PCDHB5: variants seen among roughly 807,000 people sequenced by gnomAD.
PCDHB5 encodes protocadherin beta-5.
For synonymous variants in PCDHB5, 569 were observed against 462.2 expected, an observed-to-expected ratio of 1.23 and a Z score of -2.96; for missense variants, 1,125 against 1,029.4, an observed-to-expected ratio of 1.09 and a Z score of -1.27.
Position 141,137,565 on chromosome 5 carries a change from C to A in PCDHB5, c.2131C>A (p.Arg711=), listed in dbSNP as rs377758463. The A allele has an allele frequency of 9.3e-6, 15 of 1,612,474 alleles. No homozygotes were observed. Among genetic ancestry groups the A allele is most frequent in the South Asian group, 2.2e-5 (2 of 91,022 alleles). The change falls in exon 1 of 1, where the codon CGG becomes AGG. Residue 711 remains arginine (R), a synonymous_variant. Coordinates refer to ENST00000231134, the MANE Select transcript of PCDHB5 (RefSeq NM_015669.5). Reference sequence around the variant, plus strand: ...TTCGGTGCTCCTGTTCGTGGCAGTGCGGCTGTGCAGGAGGAGCAGGGCGGC... The same window carrying A: ...TTCGGTGCTCCTGTTCGTGGCAGTGAGGCTGTGCAGGAGGAGCAGGGCGGC... ...LFSVLLFVAV[R]LCRRSRAAPV...
rs782464724 is a variant in PCDHB5, at chr5:141,136,745, G to A, written c.1311G>A (p.Thr437=). The change falls in exon 1 of 1, where the codon ACG becomes ACA. Residue 437 remains threonine (T), a synonymous_variant. Coordinates refer to ENST00000231134, the MANE Select transcript of PCDHB5 (RefSeq NM_015669.5). ...TPRLKTEHNI[T]VLVSDVNDNA... is the part of the protein sequence containing the mutation. ...GGCTGAAAACCGAGCACAACATAAC[G>A]GTCCTGGTCTCCGACGTCAATGACA... 3.7e-6 allele frequency: 6 copies of A among 1,613,862 alleles called. No homozygotes were observed. Among genetic ancestry groups the A allele is most frequent in the Middle Eastern group, 1.6e-4 (1 of 6,078 alleles).
Position 141,137,290 on chromosome 5 carries a change from A to G in PCDHB5, c.1856A>G (p.His619Arg), listed in dbSNP as rs1554276164. ...CCCGGGCTGTTCAGCATGTGGGCGCACAATGGCGAGGTGCGCACCGCCAGG... is the reference window on the plus strand; with the variant it reads ...CCCGGGCTGTTCAGCATGTGGGCGCGCAATGGCGAGGTGCGCACCGCCAGG... Reference protein sequence around the residue: ...TEPGLFSMWAHNGEVRTARLL... With the variant: ...TEPGLFSMWARNGEVRTARLL... Residue 619 changes from histidine to arginine, a missense_variant, in exon 1 of 1, where the codon CAC becomes CGC. Coordinates refer to ENST00000231134, the MANE Select transcript of PCDHB5 (RefSeq NM_015669.5). The G allele has an allele frequency of 6.2e-7, 1 of 1,610,584 alleles. No individual in the cohort carries two copies. The highest frequency in any genetic ancestry group is 8.5e-7 in the Non-Finnish European group (1 of 1,179,672).
In PCDHB5 at chr5:141,137,963, A is replaced by G; in HGVS notation, c.*141A>G. ...TTAATGGATTTGTCTGTTGAACTTCATGCTGTCCAAGTGTTGAAAAGTCAA... is the reference window on the plus strand; with the variant it reads ...TTAATGGATTTGTCTGTTGAACTTCGTGCTGTCCAAGTGTTGAAAAGTCAA... On this transcript the variant is annotated 3_prime_UTR_variant, in exon 1 of 1. Coordinates refer to ENST00000231134, the MANE Select transcript of PCDHB5 (RefSeq NM_015669.5). 1 of 786,972 alleles carries G rather than the reference A, an allele frequency of 1.3e-6. No individual in the cohort carries two copies. Among genetic ancestry groups the G allele is most frequent in the South Asian group, 1.9e-5 (1 of 51,882 alleles). 48.7% of individuals were successfully genotyped at this position (786,972 alleles called of 1,614,324 possible). A position where few individuals can be genotyped will look rare whatever the true frequency, so the allele number is the denominator to read the frequency against.
At position 141,137,060 on chromosome 5, in the gene PCDHB5, C is replaced by T. The variant is rs1554276092; in HGVS notation, c.1626C>T (p.Ser542=). 2 of 1,611,730 alleles carry T rather than the reference C, an allele frequency of 1.2e-6. No homozygotes were observed. The highest frequency in any genetic ancestry group is 1.7e-6 in the Non-Finnish European group (2 of 1,179,686). ...ATDRGSPALS[S]EALVRVLVLD... Reference sequence around the variant, plus strand: ...ACCGCGGCTCCCCGGCGCTGAGCAGCGAGGCGCTGGTGCGCGTGCTGGTGC... The same window carrying T: ...ACCGCGGCTCCCCGGCGCTGAGCAGTGAGGCGCTGGTGCGCGTGCTGGTGC... The change falls in exon 1 of 1, where the codon AGC becomes AGT. Residue 542 remains serine (S), a synonymous_variant. Transcript: ENST00000231134.
chr5:141,135,637 A>G lies in PCDHB5; in HGVS notation c.203A>G (p.Tyr68Cys), dbSNP rs1752551204. Reference protein sequence around the residue: ...ELATRGARMHYKGNKELLQLD... With the variant: ...ELATRGARMHCKGNKELLQLD... Reference sequence around the variant, plus strand: ...GCCACTCGGGGCGCGCGAATGCATTACAAAGGAAACAAAGAGCTCTTGCAG... The same window carrying G: ...GCCACTCGGGGCGCGCGAATGCATTGCAAAGGAAACAAAGAGCTCTTGCAG... Residue 68 changes from tyrosine to cysteine, a missense_variant, in exon 1 of 1, where the codon TAC (tyrosine) becomes TGC (cysteine). Transcript: ENST00000231134. 1 of 1,614,146 alleles carries G rather than the reference A, an allele frequency of 6.2e-7. No homozygotes were observed.
At position 141,135,862 on chromosome 5, in the gene PCDHB5, C is replaced by T. The variant is rs371263545; in HGVS notation, c.428C>T (p.Pro143Leu). 4.6e-5 allele frequency: 74 copies of T among 1,614,038 alleles called. 1 individual carries two copies. Among genetic ancestry groups the T allele is most frequent in the South Asian group, 1.9e-4 (17 of 91,072 alleles). ...FPEKEMLLKI[P>L]ESTQPGTVFP... ...GAGAAGGAAATGCTCCTAAAAATCC[C>T]AGAGAGCACCCAGCCAGGGACTGTG... Residue 143 changes from proline (P) to leucine (L), a missense_variant, in exon 1 of 1, where the codon CCA becomes CTA. By Grantham distance (98) the Pro-to-Leu change is moderately conservative (BLOSUM62 -3). Transcript: ENST00000231134.
At position 141,136,527 on chromosome 5, in the gene PCDHB5, GC is replaced by G; in HGVS notation, c.1095del (p.Val366PhefsTer15). Reference sequence around the variant, plus strand: ...AGAAAATGCCCCGGAAACTGTAGTTGCCGTTTTCAGTGTTTCTGATCCAGAC... The same window carrying G: ...AGAAAATGCCCCGGAAACTGTAGTTGCGTTTTCAGTGTTTCTGATCCAGAC... The part of the protein sequence containing the change: ...TPENAPETVV[A>X]VFSVSDPDSG... On this transcript the variant is annotated frameshift_variant, in exon 1 of 1. Coordinates refer to ENST00000231134, the MANE Select transcript of PCDHB5 (RefSeq NM_015669.5). LOFTEE classifies it low-confidence loss of function (END_TRUNC). 1 of 1,614,046 alleles carries G rather than the reference GC, an allele frequency of 6.2e-7. No homozygotes were observed. Among genetic ancestry groups the G allele is most frequent in the Admixed American group, 1.7e-5 (1 of 60,014 alleles).
Position 141,135,269 on chromosome 5 carries a change from T to C in PCDHB5, c.-166T>C, listed in dbSNP as rs1752541077. ...CCATTAAGCTGGGGAATCCAAACTCTAAAAGAAGGACGCATTTTAGGTAAG... is the reference window on the plus strand; with the variant it reads ...CCATTAAGCTGGGGAATCCAAACTCCAAAAGAAGGACGCATTTTAGGTAAG... On this transcript the variant is annotated 5_prime_UTR_variant, in exon 1 of 1. Transcript: ENST00000231134. 7 of 581,922 alleles carry C rather than the reference T, an allele frequency of 1.2e-5. No individual in the cohort carries two copies. The highest frequency in any genetic ancestry group is 6.7e-5 in the Admixed American group (2 of 29,694). The allele number at this position is 581,922 out of a possible 1,614,324, so 36.0% of individuals were successfully genotyped here. A position where few individuals can be genotyped will look rare whatever the true frequency, so the allele number is the denominator to read the frequency against.
rs1752584748 is a variant in PCDHB5, at chr5:141,136,661, CAG to C, written c.1234_1235del (p.Ser412ProfsTer33). Reference sequence around the variant, plus strand: ...CCCTAGTGACACAGAGAACACTGGACAGAGAGAGCCAAGCCGAGTACAACATC... The same window carrying C: ...CCCTAGTGACACAGAGAACACTGGACAGAGAGCCAAGCCGAGTACAACATC... Reference protein sequence around the residue: ...YTLVTQRTLDRESQAEYNITI... With the variant: ...YTLVTQRTLDXESQAEYNITI... On this transcript the variant is annotated frameshift_variant, in exon 1 of 1. Coordinates refer to ENST00000231134, the MANE Select transcript of PCDHB5 (RefSeq NM_015669.5). LOFTEE classifies it low-confidence loss of function (END_TRUNC). 1.9e-6 allele frequency: 3 copies of C among 1,614,124 alleles called. No individual in the cohort carries two copies. Among genetic ancestry groups the C allele is most frequent in the Non-Finnish European group, 1.7e-6 (2 of 1,180,036 alleles).
In PCDHB5 at chr5:141,137,061, G is replaced by A; in HGVS notation, c.1627G>A (p.Glu543Lys). The A allele has an allele frequency of 6.2e-7, 1 of 1,611,722 alleles. No individual in the cohort carries two copies. Among genetic ancestry groups the A allele is most frequent in the Non-Finnish European group, 8.5e-7 (1 of 1,179,680 alleles). Residue 543 changes from glutamate to lysine, a missense_variant, in exon 1 of 1, where the codon GAG becomes AAG. Transcript: ENST00000231134. ...TDRGSPALSS[E>K]ALVRVLVLDA... ...CCGCGGCTCCCCGGCGCTGAGCAGC[G>A]AGGCGCTGGTGCGCGTGCTGGTGCT...
In PCDHB5 at chr5:141,136,549, C is replaced by T. The variant is rs782026542; in HGVS notation, c.1115C>T (p.Pro372Leu). 2.0e-5 allele frequency: 33 copies of T among 1,613,990 alleles called. No homozygotes were observed. The highest frequency in any genetic ancestry group is 2.3e-5 in the Non-Finnish European group (27 of 1,180,048). ...GTTGCCGTTTTCAGTGTTTCTGATC[C>T]AGACTCCGGGGACAACGGTAGGATG... ...TVVAVFSVSD[P>L]DSGDNGRMIC... Residue 372 changes from proline to leucine, a missense_variant, in exon 1 of 1, where the codon CCA becomes CTA. Transcript: ENST00000231134.
rs782047381 is a variant in PCDHB5 at position 141,136,514 on chromosome 5, G to A, written c.1080G>A (p.Pro360=). The A allele has an allele frequency of 6.2e-6, 10 of 1,613,980 alleles. No homozygotes were observed. The highest frequency in any genetic ancestry group is 8.5e-6 in the Non-Finnish European group (10 of 1,179,976). The change falls in exon 1 of 1, where the codon CCG becomes CCA. Residue 360 remains proline, a synonymous_variant. Transcript: ENST00000231134. Reference sequence around the variant, plus strand: ...CCAGCCCTACCCCAGAAAATGCCCCGGAAACTGTAGTTGCCGTTTTCAGTG... The same window carrying A: ...CCAGCCCTACCCCAGAAAATGCCCCAGAAACTGTAGTTGCCGTTTTCAGTG... The part of the protein sequence containing the change: ...TLSSPTPENA[P]ETVVAVFSVS...
In PCDHB5 at chr5:141,135,619, G is replaced by C. The variant is rs782023292; in HGVS notation, c.185G>C (p.Arg62Pro). The C allele has an allele frequency of 3.7e-6, 6 of 1,614,134 alleles. No homozygotes were observed. Among genetic ancestry groups the C allele is most frequent in the Admixed American group, 1.7e-5 (1 of 60,024 alleles). ...CTTGGGGTGGGGGAACTGGCCACTCGGGGCGCGCGAATGCATTACAAAGGA... is the reference window on the plus strand; with the variant it reads ...CTTGGGGTGGGGGAACTGGCCACTCCGGGCGCGCGAATGCATTACAAAGGA... Reference protein sequence around the residue: ...LGLGVGELATRGARMHYKGNK... With the variant: ...LGLGVGELATPGARMHYKGNK... The change falls in exon 1 of 1, where the codon CGG becomes CCG. Residue 62 changes from arginine to proline, a missense_variant. Transcript: ENST00000231134.
rs1221317259 is a variant in PCDHB5 at position 141,136,982 on chromosome 5, G to A, written c.1548G>A (p.Arg516=). The A allele has an allele frequency of 5.0e-6, 8 of 1,612,288 alleles. No homozygotes were observed. Among genetic ancestry groups the A allele is most frequent in the African/African-American group, 1.3e-5 (1 of 74,886 alleles). The change falls in exon 1 of 1, where the codon AGG becomes AGA. Residue 516 remains arginine, a synonymous_variant. Coordinates refer to ENST00000231134, the MANE Select transcript of PCDHB5 (RefSeq NM_015669.5). ...NADNGHLFAL[R]SLDYEALQAF... is the part of the protein sequence containing the mutation. ...ACAACGGCCACCTGTTTGCCCTCAG[G>A]TCGCTGGACTACGAGGCCCTGCAGG... is the stretch of plus-strand genomic sequence containing the variant.
Position 141,136,113 on chromosome 5 carries a change from A to G in PCDHB5, c.679A>G (p.Thr227Ala), listed in dbSNP as rs782642698. 1.2e-6 allele frequency: 2 copies of G among 1,614,178 alleles called. No individual in the cohort carries two copies. Among genetic ancestry groups the G allele is most frequent in the Non-Finnish European group, 1.7e-6 (2 of 1,179,988 alleles). The stretch of plus-strand genomic sequence containing the variant: ...GGCTCCGCCCAGGTCCGGGACCACC[A>G]CAATTCGCATTGTCGTCTTGGATAA... ...GGAPPRSGTT[T>A]IRIVVLDNND... is the part of the protein sequence containing the mutation. The change falls in exon 1 of 1, where the codon ACA becomes GCA. Residue 227 changes from threonine to alanine, a missense_variant. Coordinates refer to ENST00000231134, the MANE Select transcript of PCDHB5 (RefSeq NM_015669.5).
In PCDHB5 at chr5:141,135,904, C is replaced by A; in HGVS notation, c.470C>A (p.Ala157Asp). 6.2e-7 allele frequency: 1 copy of A among 1,614,080 alleles called. No individual in the cohort carries two copies. Among genetic ancestry groups the A allele is most frequent in the Non-Finnish European group, 8.5e-7 (1 of 1,179,930 alleles). The change falls in exon 1 of 1, where the codon GCC becomes GAC. Residue 157 changes from alanine (A) to aspartate (D), a missense_variant. Coordinates refer to ENST00000231134, the MANE Select transcript of PCDHB5 (RefSeq NM_015669.5). ...QPGTVFPLKIAQDFDIGSNTV... is the reference protein window; with the variant it reads ...QPGTVFPLKIDQDFDIGSNTV... ...GGGACTGTGTTTCCCTTAAAAATAG[C>A]CCAGGACTTTGACATAGGTAGCAAC...
rs781954896 is a variant in PCDHB5, at chr5:141,135,757, T to A, written c.323T>A (p.Leu108His). 6.2e-7 allele frequency: 1 copy of A among 1,614,062 alleles called. No homozygotes were observed. The highest frequency in any genetic ancestry group is 8.5e-7 in the Non-Finnish European group (1 of 1,179,980). The stretch of plus-strand genomic sequence containing the variant: ...GAACCCTGTATATTGCATTTCCAGC[T>A]CTTACTAGAAAATCCAGTGCAGTTT... ...ATEPCILHFQ[L>H]LLENPVQFFQ... The change falls in exon 1 of 1, where the codon CTC becomes CAC. Residue 108 changes from leucine to histidine, a missense_variant. Transcript: ENST00000231134.
At position 141,136,059 on chromosome 5, in the gene PCDHB5, A is replaced by G. The variant is rs1752563836; in HGVS notation, c.625A>G (p.Ser209Gly). Residue 209 changes from serine to glycine, a missense_variant, in exon 1 of 1, where the codon AGC (serine) becomes GGC (glycine). Physicochemically the swap from Ser to Gly is moderately conservative, Grantham distance 56. Coordinates refer to ENST00000231134, the MANE Select transcript of PCDHB5 (RefSeq NM_015669.5). ...ALDREERPEL[S>G]LTLTALDGGA... ...GGACCGGGAGGAGCGGCCTGAGCTC[A>G]GCTTAACACTCACTGCACTGGACGG... 6.8e-6 allele frequency: 11 copies of G among 1,614,232 alleles called. No homozygotes were observed. Among genetic ancestry groups the G allele is most frequent in the Non-Finnish European group, 9.3e-6 (11 of 1,180,010 alleles).
rs781858167 is a variant in PCDHB5, at chr5:141,137,027, A to C, written c.1593A>C (p.Gly531=). 66 of 1,611,870 alleles carry C rather than the reference A, an allele frequency of 4.1e-5. No homozygotes were observed. Among genetic ancestry groups the C allele is most frequent in the African/African-American group, 6.7e-5 (5 of 74,866 alleles). The change falls in exon 1 of 1, where the codon GGA becomes GGC. Residue 531 remains glycine, a synonymous_variant. Coordinates refer to ENST00000231134, the MANE Select transcript of PCDHB5 (RefSeq NM_015669.5). ...TGCAGGCGTTCGAGTTCCGCGTGGG[A>C]GCCACAGACCGCGGCTCCCCGGCGC... The part of the protein sequence containing the change: ...EALQAFEFRV[G]ATDRGSPALS...
Sources: allele counts gnomAD v4.1 joint callset, GRCh38; gene constraint gnomAD v4.1.1; transcripts MANE v1.5; gene names NCBI Gene and HGNC (gene_info 2026-07-23, HGNC 2026-07-21).